FGFR3: variants seen among roughly 807,000 people sequenced by gnomAD.
FGFR3 encodes FGFR-3.
FGFR3 carries 25 observed loss-of-function variants against 82.9 expected under a neutral mutation model. That is an observed-to-expected ratio of 0.30 (90% confidence interval 0.22 to 0.42). The LOEUF is 0.42. Ranked by LOEUF, FGFR3 falls within the 10% of genes least tolerant of loss-of-function variation. The probability of loss-of-function intolerance (pLI) is 1.00; values close to 1 mark genes in which losing one functional copy is unlikely to be tolerated. For synonymous variants in FGFR3, 620 were observed against 516.0 expected (o/e 1.20, Z -2.73); for missense variants, 1,026 against 1,161.0 (o/e 0.88, Z 1.69).
rs2108783677 is a variant in FGFR3, at chr4:1,801,877, C to T, written c.782C>T (p.Ala261Val). Residue 261 changes from alanine (A) to valine (V), a missense_variant, in exon 7 of 18, where the codon GCC (alanine) becomes GTC (valine). Ala to Val is a moderately conservative substitution (Grantham distance 64). Transcript: ENST00000440486. ...HRPILQAGLP[A>V]NQTAVLGSDV... is the part of the protein sequence containing the mutation. ...CCCATCCTGCAGGCGGGGCTGCCGG[C>T]CAACCAGACGGCGGTGCTGGGCAGC... 6.2e-7 allele frequency: 1 copy of T among 1,609,294 alleles called. No individual in the cohort carries two copies. The highest frequency in any genetic ancestry group is 8.5e-7 in the Non-Finnish European group (1 of 1,177,926).
chr4:1,807,178 C>T lies in FGFR3; in HGVS notation c.2337C>T (p.Ser779=), dbSNP rs776520979. 5 of 1,604,522 alleles carry T rather than the reference C, an allele frequency of 3.1e-6. No individual in the cohort carries two copies. In the South Asian group the frequency reaches 4.5e-5, roughly 14 times the overall value. Residue 779 remains serine (S), a synonymous_variant, in exon 18 of 18, where the codon AGC becomes AGT. Transcript: ENST00000440486. ...CCCCGGGTGGCCAGGACACCCCCAG[C>T]TCCAGCTCCTCAGGGGACGACTCCG... ...QYSPGGQDTP[S]SSSSGDDSVF...
chr4:1,804,183 A>G, intron 8 of FGFR3, 147 bp from the exon 9 acceptor site: 2 of 916,356 alleles, frequency 2.2e-6, no homozygotes, highest in Non-Finnish European at 3.3e-6. Context: ...GGCGTTACTG[A>G]CTGCGAGACC....
At position 1,801,543 on chromosome 4, in the gene FGFR3, G is replaced by A. The variant is rs758222900; in HGVS notation, c.615+7G>A. The A allele has an allele frequency of 2.0e-5, 32 of 1,574,904 alleles. No individual in the cohort carries two copies. The highest frequency in any genetic ancestry group is 2.5e-5 in the Non-Finnish European group (29 of 1,161,042). On this transcript the variant is annotated splice_region_variant and intron_variant, in intron 5 of 17. Coordinates refer to ENST00000440486, the MANE Select transcript of FGFR3 (RefSeq NM_000142.5). ...CCGCATTGGAGGCATCAAGGTGGGC[G>A]CGGCGGGGTGGCTCTGGGCCTGGCA...
In FGFR3 at chr4:1,801,603, C is replaced by G; in HGVS notation, c.616-17C>G. 1 of 1,601,940 alleles carries G rather than the reference C, an allele frequency of 6.2e-7. No homozygotes were observed. The highest frequency in any genetic ancestry group is 8.5e-7 in the Non-Finnish European group (1 of 1,175,554). On this transcript the variant is annotated splice_polypyrimidine_tract_variant and intron_variant, in intron 5 of 17. Transcript: ENST00000440486. ...GTTGCTGCCTCCGCTCACTCACCCG[C>G]CCGCGTCCCGGTGCAGCTGCGGCAT...
rs776527776 is a variant in FGFR3 at position 1,805,584 on chromosome 4, G to T, written c.1560G>T (p.Ser520=). ...ACGATGCCACTGACAAGGACCTGTC[G>T]GACCTGGTGTCTGAGATGGAGATGA... ...LKDDATDKDL[S]DLVSEMEMMK... The change falls in exon 12 of 18, where the codon TCG becomes TCT. Residue 520 remains serine (S), a synonymous_variant. Coordinates refer to ENST00000440486, the MANE Select transcript of FGFR3 (RefSeq NM_000142.5). The T allele has an allele frequency of 1.2e-6, 2 of 1,613,264 alleles. No individual in the cohort carries two copies. The highest frequency in any genetic ancestry group is 1.7e-6 in the Non-Finnish European group (2 of 1,179,820).
intron 2 of FGFR3, among the ~76,000 whole-genome samples, chr4:1,798,184 CA>C (rs1021230080): frequency 2.0e-5 from 3 of 152,188 alleles, no homozygotes; most frequent in African/African-American, 7.2e-5. Flanking sequence ...GGGAGGGACC[CA>C]GGGGCCACCT....
chr4:1,801,252 A>G, intron 4 of FGFR3, 115 bp from the exon 5 acceptor site: 1 of 1,206,690 alleles, frequency 8.3e-7, no homozygotes, highest in South Asian at 1.3e-5. Flanking sequence ...CTCTTCCTAC[A>G]CAGGACGGGA....
chr4:1,795,194 C>T (rs933491145), intron 2 of FGFR3, among the ~76,000 whole-genome samples: 2 of 152,094 alleles, frequency 1.3e-5, no homozygotes, highest in Non-Finnish European at 2.9e-5. Flanking sequence ...GTCGGGAGGT[C>T]AGCGCGCGCT....
intron 8 of FGFR3, 38 bp from the exon 9 acceptor site, chr4:1,804,292 G>C (rs751902094): frequency 3.8e-5 from 59 of 1,552,288 alleles, no homozygotes; most frequent in Middle Eastern, 1.7e-4. Context: ...CCGTGGGGGG[G>C]GGGGCCAGGC....
chr4:1,795,183 C>T (rs1414053110), intron 2 of FGFR3, among the ~76,000 whole-genome samples: 1 of 152,106 alleles, frequency 6.6e-6, no homozygotes, highest in Non-Finnish European at 1.5e-5. Flanking sequence ...TGACAGGGGC[C>T]GTCGGGAGGT....
chr4:1,794,853 C>T (rs1022173571), intron 2 of FGFR3, among the ~76,000 whole-genome samples: 3 of 151,734 alleles, frequency 2.0e-5, no homozygotes, highest in African/African-American at 7.2e-5. Context: ...ACAGCTCAGC[C>T]CGGCGGCCGC....
intron 2 of FGFR3, among the ~76,000 whole-genome samples, chr4:1,795,602 G>A (rs1720412005): frequency 6.6e-6 from 1 of 152,240 alleles, no homozygotes; most frequent in Non-Finnish European, 1.5e-5. Flanking sequence ...CATAAATTAT[G>A]GAGCCTTGGC....
intron 7 of FGFR3, among the ~76,000 whole-genome samples, chr4:1,803,318 C>T (rs185693170): frequency 6.6e-5 from 10 of 152,226 alleles, no homozygotes; most frequent in South Asian, 2.1e-4. Context: ...GGGCCGGCTC[C>T]GTGCCGTCTG....
rs1452760279 is a variant in FGFR3 at position 1,793,365 on chromosome 4, C to G, written c.-203C>G. ...TGCTCTGCCGGTCGCACGGACGCAC[C>G]GGCGGGCCGCCGGCCGGAGGGACGG... is the stretch of plus-strand genomic sequence containing the variant. On this transcript the variant is annotated 5_prime_UTR_variant, in exon 1 of 18. Coordinates refer to ENST00000440486, the MANE Select transcript of FGFR3 (RefSeq NM_000142.5). 1 of 147,864 alleles carries G rather than the reference C, an allele frequency of 6.8e-6. No homozygotes were observed. The highest frequency in any genetic ancestry group is 6.7e-5 in the Admixed American group (1 of 14,888). 9.2% of individuals were successfully genotyped at this position (147,864 alleles called of 1,614,324 possible).
In FGFR3 at chr4:1,806,159, A is replaced by G; in HGVS notation, c.1945A>G (p.Lys649Glu). 6.2e-7 allele frequency: 1 copy of G among 1,613,022 alleles called. No individual in the cohort carries two copies. Residue 649 changes from lysine (K) to glutamate (E), a missense_variant, in exon 14 of 18, where the codon AAG becomes GAG. Around this residue, in one of 9 missense-constraint regions of FGFR3, gnomAD observed 45 missense variants for 80.8 expected, o/e 0.56. Coordinates refer to ENST00000440486, the MANE Select transcript of FGFR3 (RefSeq NM_000142.5). ...GGACGTGCACAACCTCGACTACTAC[A>G]AGAAGACGACCAACGTGAGCCCGGC... ...ARDVHNLDYYKKTTNGRLPVK... is the reference protein window; with the variant it reads ...ARDVHNLDYYEKTTNGRLPVK...
chr4:1,803,111 A>G, intron 7 of FGFR3: 4 of 1,502,988 alleles, frequency 2.7e-6, no homozygotes, highest in Non-Finnish European at 3.6e-6. Flanking sequence ...TCCAGCTCCA[A>G]GGCCCTGGCC....
In FGFR3 at chr4:1,808,144, C is replaced by T. The variant is rs1722204592; in HGVS notation, c.*882C>T. 3 of 232,888 alleles carry T rather than the reference C, an allele frequency of 1.3e-5. No individual in the cohort carries two copies. In the East Asian group the frequency reaches 1.8e-4, roughly 14 times the overall value. The allele number at this position is 232,888 out of a possible 1,614,324, so 14.4% of individuals were successfully genotyped here. On this transcript the variant is annotated 3_prime_UTR_variant, in exon 18 of 18. Transcript: ENST00000440486. ...TGGGCCCCTGGCACTCTTGTTCCCA[C>T]ACCCCAACACTTCCAGCATTTAGCT...
rs567232637 is a variant in FGFR3 at position 1,802,782 on chromosome 4, C to T, written c.930+757C>T. ...ACAGCCACCGTGAAGTGCCTCCACG[C>T]CTCCTCCAGGCAGCCTTTGGGGCTG... On this transcript the variant is annotated intron_variant, in intron 7 of 17. Coordinates refer to ENST00000440486, the MANE Select transcript of FGFR3 (RefSeq NM_000142.5). The T allele has an allele frequency of 2.1e-5, 25 of 1,207,584 alleles. No individual in the cohort carries two copies. In the African/African-American group the frequency reaches 3.5e-4, roughly 17 times the overall value. The allele number at this position is 1,207,584 out of a possible 1,614,324, so 74.8% of individuals were successfully genotyped here.
rs1577266910 is a variant in FGFR3, at chr4:1,799,164, A to G, written c.110-90A>G. ...CTGGATCTGGGTCAGAGCCTTCCTC[A>G]CTCAGGGCCGCCGAGGCTTCCACTG... On this transcript the variant is annotated intron_variant, in intron 2 of 17. Transcript: ENST00000440486. The G allele has an allele frequency of 2.5e-6, 4 of 1,583,080 alleles. No homozygotes were observed. In the East Asian group the frequency reaches 6.7e-5, roughly 27 times the overall value.
Sources: gnomAD v4.1 joint callset for allele counts (sites outside exome capture counted in the v4.1 genomes callset) on GRCh38, gnomAD v4.1.1 for gene constraint, gnomAD v4.1.1 regional missense constraint, MANE v1.5 for transcripts, NCBI Gene and HGNC (gene_info 2026-07-23, HGNC 2026-07-21) for gene names.